DENND3: variants seen among roughly 807,000 people sequenced by gnomAD.
DENND3 encodes the protein DENN domain-containing protein 3.
A neutral mutation model predicts 135.1 loss-of-function variants in DENND3; 88 were observed. The observed-to-expected ratio is 0.65, with a 90% CI of 0.55 to 0.78. The LOEUF is 0.78. Among genes scored for constraint, DENND3 ranks in the 30% least tolerant of loss-of-function variants. The pLI is 0.00. For synonymous variants in DENND3, 693 were observed against 712.3 expected (o/e 0.97, Z 0.43); for missense variants, 1,392 against 1,688.4 (o/e 0.82, Z 3.08).
intron 17 of DENND3, among the ~76,000 whole-genome samples, chr8:141,181,846 C>T (rs561774575): frequency 6.6e-6 from 1 of 152,104 alleles, no homozygotes; most frequent in Non-Finnish European, 1.5e-5. Flanking sequence ...AATCATGGCT[C>T]ATTGCAGCCT....
At chr8:141,156,029 G>A in intron 8 of DENND3, 59 bp downstream of exon 8, 1 of 1,513,862 alleles carries the variant, frequency 6.6e-7, no homozygotes, top group Non-Finnish European at 8.9e-7. Flanking sequence ...TTCTGTATTT[G>A]CCACTTCGAG....
At chr8:141,187,638 C>T (rs1296350428) in intron 18 of DENND3, among the ~76,000 whole-genome samples, 2 of 141,542 alleles carry the variant, frequency 1.4e-5, no homozygotes, top group Non-Finnish European at 3.0e-5. Flanking sequence ...AACTCAAATA[C>T]ATACCACCAA....
chr8:141,152,417 C>T (rs1818893633), intron 7 of DENND3, among the ~76,000 whole-genome samples: 1 of 152,192 alleles, frequency 6.6e-6, no homozygotes, highest in East Asian at 1.9e-4. Context: ...CTGACAGCCA[C>T]ACCCATGCGC....
intron 1 of DENND3, among the ~76,000 whole-genome samples, chr8:141,134,011 C>T (rs538289973): frequency 6.6e-6 from 1 of 152,072 alleles, no homozygotes; most frequent in Admixed American, 6.5e-5. Flanking sequence ...AACCTGTGAG[C>T]AGGACTGAGA....
Position 141,175,296 on chromosome 8 carries a change from T to C in DENND3, c.2372T>C (p.Leu791Pro). 6.2e-7 allele frequency: 1 copy of C among 1,614,228 alleles called. No individual in the cohort carries two copies. The highest frequency in any genetic ancestry group is 1.1e-5 in the South Asian group (1 of 91,080). The stretch of plus-strand genomic sequence containing the variant: ...GCCCAGGAGGTCAGTCTGCCGTGGC[T>C]GGTGATGGAACACCTGGATAAAAAC... ...AEAQEVSLPWLVMEHLDKNEC... is the reference protein window; with the variant it reads ...AEAQEVSLPWPVMEHLDKNEC... The change falls in exon 14 of 23, where the codon CTG (leucine) becomes CCG (proline). Residue 791 changes from leucine (L) to proline (P), a missense_variant. By Grantham distance (98) the Leu-to-Pro change is moderately conservative. Transcript: ENST00000519811. The surrounding 1 kb of genome is among the most constrained non-coding windows in gnomAD (Gnocchi z 5.4).
chr8:141,153,755 G>A (rs1197454429), intron 7 of DENND3, among the ~76,000 whole-genome samples: 1 of 152,244 alleles, frequency 6.6e-6, no homozygotes, highest in Non-Finnish European at 1.5e-5. Context: ...GCTGTGTTGT[G>A]AAGTTTAAAG....
rs1335243436 is a variant in DENND3, at chr8:141,146,022, T to C, written c.735+1763T>C. Among the ~76,000 whole-genome samples, 1 of 151,544 alleles carries C rather than the reference T, an allele frequency of 6.6e-6. No individual in the cohort carries two copies. Among genetic ancestry groups the C allele is most frequent in the Non-Finnish European group, 1.5e-5 (1 of 67,846 alleles). The stretch of plus-strand genomic sequence containing the variant: ...TGCCACCACGCTGGCTAATTTTTTG[T>C]ATTTTTAGTAGAGATGGGGTTTCAC... On this transcript the variant is annotated intron_variant, in intron 5 of 22. Transcript: ENST00000519811. The surrounding 1 kb of genome is among the most constrained non-coding windows in gnomAD (Gnocchi z 4.3).
At chr8:141,173,261 A>T (rs1821880947) in intron 13 of DENND3, among the ~76,000 whole-genome samples, 1 of 152,234 alleles carries the variant, frequency 6.6e-6, no homozygotes, top group Non-Finnish European at 1.5e-5. Flanking sequence ...CTTTGGAACA[A>T]TTGCACTAGG....
chr8:141,148,481 T>A (rs1321798507), intron 5 of DENND3, among the ~76,000 whole-genome samples: 1 of 152,108 alleles, frequency 6.6e-6, no homozygotes, highest in Admixed American at 6.6e-5. Context: ...GTGCAAAATC[T>A]CACACACACA....
chr8:141,151,756 G>A lies in DENND3; in HGVS notation c.993G>A (p.Ser331=), dbSNP rs201883569. Reference sequence around the variant, plus strand: ...AGCACCCCTTCGTGCCCATCCTGTCGGACCAGATGCTGGATTTCGTCATGG... The same window carrying A: ...AGCACCCCTTCGTGCCCATCCTGTCAGACCAGATGCTGGATTTCGTCATGG... ...QWQHPFVPIL[S]DQMLDFVMAP... The change falls in exon 7 of 23, where the codon TCG becomes TCA. Residue 331 remains serine, a synonymous_variant. Coordinates refer to ENST00000519811, the MANE Select transcript of DENND3 (RefSeq NM_001352890.3). 79 of 1,614,140 alleles carry A rather than the reference G, an allele frequency of 4.9e-5. No homozygotes were observed. The Admixed American group carries it at 6.7e-4, about 14-fold the overall frequency.
At chr8:141,180,710 G>T (rs768581472) in intron 16 of DENND3, 37 bp from the exon 17 acceptor site, 4 of 1,583,434 alleles carry the variant, frequency 2.5e-6, no homozygotes, top group Non-Finnish European at 3.5e-6. Flanking sequence ...TTTCCTTGAG[G>T]CTGCAACAGT....
Position 141,194,244 on chromosome 8 carries a change from G to A in DENND3, c.*11G>A. On this transcript the variant is annotated 3_prime_UTR_variant, in exon 23 of 23. Transcript: ENST00000519811. ...TGGAAAGGCGAATAAACGTGGCTGA[G>A]TCTGCCAAGTGGAACTGTGCCCTAT... 6.2e-7 allele frequency: 1 copy of A among 1,609,638 alleles called. No individual in the cohort carries two copies. The highest frequency in any genetic ancestry group is 2.2e-5 in the East Asian group (1 of 44,788).
chr8:141,182,307 T>C lies in DENND3; in HGVS notation c.2944+1453T>C. The stretch of plus-strand genomic sequence containing the variant: ...CGATTTCCCCATAAGAGAGTTTTTC[T>C]CTCTTCATGGCAGGCCAAGAAACCC... On this transcript the variant is annotated intron_variant, in intron 17 of 22. Coordinates refer to ENST00000519811, the MANE Select transcript of DENND3 (RefSeq NM_001352890.3). The surrounding 1 kb of genome is among the most constrained non-coding windows in gnomAD (Gnocchi z 5.9). 1 of 985,234 alleles carries C rather than the reference T, an allele frequency of 1.0e-6. No individual in the cohort carries two copies. Among genetic ancestry groups the C allele is most frequent in the Middle Eastern group, 5.2e-4 (1 of 1,914 alleles). The allele number at this position is 985,234 out of a possible 1,614,324, so 61.0% of individuals were successfully genotyped here. A position where few individuals can be genotyped will look rare whatever the true frequency, so the allele number is the denominator to read the frequency against.
At chr8:141,183,014 C>T (rs1823371758) in intron 17 of DENND3, among the ~76,000 whole-genome samples, 1 of 152,192 alleles carries the variant, frequency 6.6e-6, no homozygotes, top group Non-Finnish European at 1.5e-5. Flanking sequence ...TGAATATCCT[C>T]AGGGGAAAGG....
At chr8:141,159,532 C>A (rs575359889) in intron 8 of DENND3, among the ~76,000 whole-genome samples, 15 of 152,274 alleles carry the variant, frequency 9.9e-5, no homozygotes, top group African/African-American at 3.1e-4. Context: ...TGCCTGATGT[C>A]CTCATTATCT....
intron 1 of DENND3, among the ~76,000 whole-genome samples, chr8:141,134,726 TC>T (rs1331239295): frequency 5.3e-5 from 8 of 152,270 alleles, no homozygotes; most frequent in African/African-American, 1.9e-4. Context: ...TGTTGAAATT[TC>T]TTCCAGCGTA....
In DENND3 at chr8:141,175,191, C is replaced by T. The variant is rs764517070; in HGVS notation, c.2276-9C>T. 2.5e-6 allele frequency: 4 copies of T among 1,608,218 alleles called. No homozygotes were observed. Among genetic ancestry groups the T allele is most frequent in the Non-Finnish European group, 3.4e-6 (4 of 1,176,654 alleles). On this transcript the variant is annotated splice_polypyrimidine_tract_variant and intron_variant, in intron 13 of 22. Transcript: ENST00000519811. This position sits in a 1 kb window ranked among gnomAD's most constrained non-coding sequence, Gnocchi z 5.4. Reference sequence around the variant, plus strand: ...TAAGATACCTCTCTTTTCTTCTTATCAAACTAAGGACAGGAGAAACAAATC... The same window carrying T: ...TAAGATACCTCTCTTTTCTTCTTATTAAACTAAGGACAGGAGAAACAAATC...
chr8:141,140,867 C>T (rs73713339), intron 3 of DENND3, among the ~76,000 whole-genome samples: 1,731 of 152,328 alleles, frequency 0.011, 33 homozygotes, highest in African/African-American at 0.039. Flanking sequence ...CTGTGCGTGG[C>T]CCCTGCATTT....
chr8:141,131,293 T>C (rs1816062049), intron 1 of DENND3, among the ~76,000 whole-genome samples: 1 of 152,174 alleles, frequency 6.6e-6, no homozygotes, highest in Non-Finnish European at 1.5e-5. Context: ...AGACTAGACA[T>C]AGGTGTGACA....
Sources: allele counts gnomAD v4.1 joint callset (sites outside exome capture counted in the v4.1 genomes callset), GRCh38; gene constraint gnomAD v4.1.1; non-coding constraint Gnocchi (gnomAD v3.1); transcripts MANE v1.5; gene names NCBI Gene and HGNC (gene_info 2026-07-23, HGNC 2026-07-21).